SRRT: variants seen among roughly 807,000 people sequenced by gnomAD.
SRRT encodes the protein serrate, RNA effector molecule.
In SRRT, 32 loss-of-function variants were observed where a neutral mutation model predicts 103.2. The ratio of observed to expected loss-of-function variants is 0.31; its 90% CI spans 0.23 to 0.42. The LOEUF (loss-of-function observed/expected upper bound fraction) is 0.42. SRRT is among the 10% of genes least tolerant of loss of function. The probability of loss-of-function intolerance (pLI) is 1.00; values close to 1 mark genes in which losing one functional copy is unlikely to be tolerated. For synonymous variants in SRRT, 525 were observed against 449.0 expected (o/e 1.17, Z -2.14); for missense variants, 986 against 1,207.5 (o/e 0.82, Z 2.72).
chr7:100,882,357 G>A lies in SRRT; in HGVS notation c.587+116G>A, dbSNP rs1789654386. ...CCTGTCCAGAACTTTCTGGGGGCGG[G>A]GGTCGGGAAGTATGACAGCATTGGC... On this transcript the variant is annotated intron_variant, in intron 5 of 19. Transcript: ENST00000611405. The surrounding 1 kb of genome is among the most constrained non-coding windows in gnomAD (Gnocchi z 4.2). 2 of 1,208,104 alleles carry A rather than the reference G, an allele frequency of 1.7e-6. No homozygotes were observed. The highest frequency in any genetic ancestry group is 1.5e-5 in the African/African-American group (1 of 65,108). The allele number at this position is 1,208,104 out of a possible 1,614,324, so 74.8% of individuals were successfully genotyped here. A position where few individuals can be genotyped will look rare whatever the true frequency, so the allele number is the denominator to read the frequency against.
At chr7:100,878,928 C>T (rs559793393) in intron 2 of SRRT, among the ~76,000 whole-genome samples, 2 of 150,956 alleles carry the variant, frequency 1.3e-5, no homozygotes, top group African/African-American at 4.8e-5. Flanking sequence ...TCTTTTCCTT[C>T]CTTTCTTTCT....
intron 2 of SRRT, among the ~76,000 whole-genome samples, chr7:100,879,733 A>G (rs1282103032): frequency 4.0e-5 from 6 of 151,216 alleles, no homozygotes; most frequent in African/African-American, 1.5e-4. Context: ...GCTTGAGCCC[A>G]GGAGGCGGAG....
At chr7:100,881,570 C>G in intron 3 of SRRT, 89 bp from the exon 4 acceptor site, 6 of 1,586,282 alleles carry the variant, frequency 3.8e-6, no homozygotes, top group South Asian at 3.4e-5. Context: ...TCTGGGAGAC[C>G]ATGCTGTGTG....
chr7:100,875,576 C>A lies in SRRT; in HGVS notation c.-15C>A. On this transcript the variant is annotated 5_prime_UTR_variant, in exon 2 of 20. Transcript: ENST00000611405. ...ACCGCCTCTCCCCGGTCCCCAGGCC[C>A]CCTCAGACCGTGCCATGGGTGACAG... is the stretch of plus-strand genomic sequence containing the variant. 2 of 1,613,804 alleles carry A rather than the reference C, an allele frequency of 1.2e-6. No individual in the cohort carries two copies. The highest frequency in any genetic ancestry group is 1.7e-6 in the Non-Finnish European group (2 of 1,179,812).
At chr7:100,878,558 A>G (rs151061607) in intron 2 of SRRT, among the ~76,000 whole-genome samples, 1,986 of 152,376 alleles carry the variant, frequency 0.013, 23 homozygotes, top group Non-Finnish European at 0.021. Context: ...GTGAGAAACT[A>G]CTTCCTTCTT....
chr7:100,884,148 G>T lies in SRRT; in HGVS notation c.666G>T (p.Arg222Ser), dbSNP rs1255302883. Residue 222 changes from arginine (R) to serine (S), a missense_variant, in exon 6 of 20, where the codon AGG becomes AGT. Physicochemically the swap from Arg to Ser is moderately radical, Grantham distance 110. This residue lies in a region of SRRT where 274 missense variants were observed against 358.5 expected (regional missense o/e 0.76). Transcript: ENST00000611405. Reference sequence around the variant, plus strand: ...GGGGGGCCCTGCAAAACCGACTGAGGGTCTTCCTGTCCCTCATGGAGACTG... The same window carrying T: ...GGGGGGCCCTGCAAAACCGACTGAGTGTCTTCCTGTCCCTCATGGAGACTG... Reference protein sequence around the residue: ...EARGALQNRLRVFLSLMETGW... With the variant: ...EARGALQNRLSVFLSLMETGW... The T allele has an allele frequency of 1.2e-6, 2 of 1,613,982 alleles. No homozygotes were observed. The highest frequency in any genetic ancestry group is 1.7e-5 in the Admixed American group (1 of 59,976).
At position 100,885,264 on chromosome 7, in the gene SRRT, C is replaced by G; in HGVS notation, c.1211C>G (p.Pro404Arg). 1 of 1,614,120 alleles carries G rather than the reference C, an allele frequency of 6.2e-7. No individual in the cohort carries two copies. Residue 404 changes from proline to arginine, a missense_variant, in exon 10 of 20, where the codon CCC becomes CGC. By Grantham distance (103) the Pro-to-Arg change is moderately radical. This residue lies in a region of SRRT where 349 missense variants were observed against 446.9 expected (regional missense o/e 0.78). Transcript: ENST00000611405. The surrounding 1 kb of genome is among the most constrained non-coding windows in gnomAD (Gnocchi z 4.8). ...CCCAAGGAAGAAGAATGGGAGAAGC[C>G]CAAGGACGCCGCGGGGCTGGAGTGC... is the stretch of plus-strand genomic sequence containing the variant. ...EKPKEEEWEK[P>R]KDAAGLECKP...
chr7:100,879,280 G>A (rs537697314), intron 2 of SRRT, among the ~76,000 whole-genome samples: 1 of 152,134 alleles, frequency 6.6e-6, no homozygotes, highest in Non-Finnish European at 1.5e-5. Context: ...TGTATTTTTA[G>A]TAGAAAGGTG....
At position 100,881,289 on chromosome 7, in the gene SRRT, T is replaced by TGGGACCGTGGCCGTG; in HGVS notation, c.128_142dup (p.Arg47_Glu48insGlyAspArgGlyArg). The TGGGACCGTGGCCGTG allele has an allele frequency of 6.2e-7, 1 of 1,610,180 alleles. No homozygotes were observed. The highest frequency in any genetic ancestry group is 1.1e-5 in the South Asian group (1 of 91,032). On this transcript the variant is annotated inframe_insertion, in exon 3 of 20. Transcript: ENST00000611405. Reference sequence around the variant, plus strand: ...GTTACTTGTTCTTACTGCCAGAGAGTGGGACCGTGGCCGTGAGCGCCGTAG... The same window carrying TGGGACCGTGGCCGTG: ...GTTACTTGTTCTTACTGCCAGAGAGTGGGACCGTGGCCGTGGGGACCGTGGCCGTGAGCGCCGTAG...
At position 100,885,118 on chromosome 7, in the gene SRRT, G is replaced by A; in HGVS notation, c.1159+78G>A. 6.2e-7 allele frequency: 1 copy of A among 1,603,980 alleles called. No homozygotes were observed. Among genetic ancestry groups the A allele is most frequent in the East Asian group, 2.2e-5 (1 of 44,720 alleles). On this transcript the variant is annotated intron_variant, in intron 9 of 19. Coordinates refer to ENST00000611405, the MANE Select transcript of SRRT (RefSeq NM_015908.6). This position sits in a 1 kb window ranked among gnomAD's most constrained non-coding sequence, Gnocchi z 4.8. ...TGAGAGGTTGGCGACATTGACGGGA[G>A]GGTGGGTGGCTTTTAGGGGAAAGCT... is the stretch of plus-strand genomic sequence containing the variant.
intron 4 of SRRT, 43 bp downstream of exon 4, chr7:100,881,848 G>T (rs191108306): frequency 3.9e-6 from 6 of 1,553,420 alleles, no homozygotes; most frequent in Admixed American, 1.9e-5. Flanking sequence ...AGGCCTGGGG[G>T]ATGGATGGGG....
At chr7:100,886,191 G>C (rs1790081864) in intron 12 of SRRT, 56 bp from the exon 13 acceptor site, 1 of 1,571,660 alleles carries the variant, frequency 6.4e-7, no homozygotes, top group Admixed American at 1.7e-5. Flanking sequence ...TAGAGCTGCT[G>C]TTTCTCTGGC....
rs1400228670 is a variant in SRRT, at chr7:100,888,484, G to A, written c.2566G>A (p.Gly856Arg). 6.2e-7 allele frequency: 1 copy of A among 1,614,136 alleles called. No individual in the cohort carries two copies. The highest frequency in any genetic ancestry group is 1.1e-5 in the South Asian group (1 of 91,078). Residue 856 changes from glycine to arginine, a missense_variant, in exon 20 of 20, where the codon GGA becomes AGA. By Grantham distance (125) the Gly-to-Arg change is moderately radical. This residue lies in a region of SRRT where 178 missense variants were observed against 189.6 expected (regional missense o/e 0.94). Coordinates refer to ENST00000611405, the MANE Select transcript of SRRT (RefSeq NM_015908.6). ...PGKPRNRMVR[G>R]DPRAIVEYRD... The stretch of plus-strand genomic sequence containing the variant: ...CCTCTCACCTCACAGGATGGTTCGT[G>A]GAGACCCAAGGGCCATTGTGGAATA...
At position 100,887,598 on chromosome 7, in the gene SRRT, T is replaced by C; in HGVS notation, c.2169+85T>C. On this transcript the variant is annotated intron_variant, in intron 16 of 19. Coordinates refer to ENST00000611405, the MANE Select transcript of SRRT (RefSeq NM_015908.6). This position sits in a 1 kb window ranked among gnomAD's most constrained non-coding sequence, Gnocchi z 4.1. ...GCCCCCTGGGCAGGGGTGGGGGAAC[T>C]GCTTACTGCACTGGCAGGCGGGAGC... is the stretch of plus-strand genomic sequence containing the variant. 6.3e-7 allele frequency: 1 copy of C among 1,579,790 alleles called. No individual in the cohort carries two copies. Among genetic ancestry groups the C allele is most frequent in the Non-Finnish European group, 8.6e-7 (1 of 1,159,858 alleles).
Position 100,882,047 on chromosome 7 carries a change from C to T in SRRT, c.399-6C>T. ...ACCAAGCCTTCCTGACCGGGGTCCC[C>T]TCCAGGCTGGGCAGCATTGCAGAGA... On this transcript the variant is annotated splice_region_variant and splice_polypyrimidine_tract_variant and intron_variant, in intron 4 of 19. Transcript: ENST00000611405. The surrounding 1 kb of genome is among the most constrained non-coding windows in gnomAD (Gnocchi z 4.2). 1 of 1,611,712 alleles carries T rather than the reference C, an allele frequency of 6.2e-7. No individual in the cohort carries two copies. The highest frequency in any genetic ancestry group is 8.5e-7 in the Non-Finnish European group (1 of 1,178,942).
In SRRT at chr7:100,885,506, C is replaced by T; in HGVS notation, c.1317+136C>T. The T allele has an allele frequency of 8.8e-7, 1 of 1,132,942 alleles. No homozygotes were observed. The allele number at this position is 1,132,942 out of a possible 1,614,324, so 70.2% of individuals were successfully genotyped here. On this transcript the variant is annotated intron_variant, in intron 10 of 19. Transcript: ENST00000611405. The surrounding 1 kb of genome is among the most constrained non-coding windows in gnomAD (Gnocchi z 4.8). ...GCCCCTTCCCCAGGTTCCATGGCCTCCGAGGACTAGTCCTGATAGCGCCAT... is the reference window on the plus strand; with the variant it reads ...GCCCCTTCCCCAGGTTCCATGGCCTTCGAGGACTAGTCCTGATAGCGCCAT...
chr7:100,885,362 A>G lies in SRRT; in HGVS notation c.1309A>G (p.Ile437Val). ...NIAPNISRAEIISLCKRYPGF... is the reference protein window; with the variant it reads ...NIAPNISRAEVISLCKRYPGF... Reference sequence around the variant, plus strand: ...CGCGCCCAACATCTCCCGGGCCGAGATCATCTCCGTGAGTGGGGACCCGTG... The same window carrying G: ...CGCGCCCAACATCTCCCGGGCCGAGGTCATCTCCGTGAGTGGGGACCCGTG... The change falls in exon 10 of 20, where the codon ATC (isoleucine) becomes GTC (valine). Residue 437 changes from isoleucine to valine, a missense_variant. Physicochemically the swap from Ile to Val is conservative, Grantham distance 29. Coordinates refer to ENST00000611405, the MANE Select transcript of SRRT (RefSeq NM_015908.6). This position sits in a 1 kb window ranked among gnomAD's most constrained non-coding sequence, Gnocchi z 4.8. 1 of 1,613,438 alleles carries G rather than the reference A, an allele frequency of 6.2e-7. No individual in the cohort carries two copies. Among genetic ancestry groups the G allele is most frequent in the Non-Finnish European group, 8.5e-7 (1 of 1,179,528 alleles).
In SRRT at chr7:100,882,289, G is replaced by T. The variant is rs1042255356; in HGVS notation, c.587+48G>T. On this transcript the variant is annotated intron_variant, in intron 5 of 19. Transcript: ENST00000611405. The surrounding 1 kb of genome is among the most constrained non-coding windows in gnomAD (Gnocchi z 4.2). ...ACCTCTGCCCTGGCATGTCCCCCTG[G>T]CCCCGCTGGTGGAGCCACAGCCCTG... 2 of 1,587,350 alleles carry T rather than the reference G, an allele frequency of 1.3e-6. No individual in the cohort carries two copies. The highest frequency in any genetic ancestry group is 8.6e-7 in the Non-Finnish European group (1 of 1,163,020).
In SRRT at chr7:100,885,183, C is replaced by T. The variant is rs1789972473; in HGVS notation, c.1160-30C>T. 6.2e-7 allele frequency: 1 copy of T among 1,607,702 alleles called. No individual in the cohort carries two copies. On this transcript the variant is annotated intron_variant, in intron 9 of 19. Coordinates refer to ENST00000611405, the MANE Select transcript of SRRT (RefSeq NM_015908.6). The surrounding 1 kb of genome is among the most constrained non-coding windows in gnomAD (Gnocchi z 4.8). Reference sequence around the variant, plus strand: ...ACCACAATCAGTAATAAAAATGCACCAACTCCTTCCTACCCCCCTTCCTGC... The same window carrying T: ...ACCACAATCAGTAATAAAAATGCACTAACTCCTTCCTACCCCCCTTCCTGC...
Sources: gnomAD v4.1 joint callset for allele counts (sites outside exome capture counted in the v4.1 genomes callset) on GRCh38, gnomAD v4.1.1 for gene constraint, gnomAD v4.1.1 regional missense constraint, Gnocchi (gnomAD v3.1) non-coding constraint, MANE v1.5 for transcripts, NCBI Gene and HGNC (gene_info 2026-07-23, HGNC 2026-07-21) for gene names.